Variants in KMT2C observed in about 807,000 individuals in gnomAD.
The protein encoded by KMT2C is lysine methyltransferase 2C.
Under a neutral mutation model 507.9 loss-of-function variants are expected in KMT2C, and 88 were observed. The observed-to-expected ratio is 0.17, with a 90% CI of 0.15 to 0.21. The LOEUF is 0.21. Ranked by LOEUF, KMT2C falls within the 10% of genes least tolerant of loss-of-function variation. The pLI, the probability that KMT2C is intolerant of heterozygous loss-of-function variation, is 1.00. For missense variants in KMT2C, 4,954 were observed against 5,957.8 expected (o/e 0.83, Z 5.55); for synonymous variants, 2,049 against 2,080.8 (o/e 0.98, Z 0.42).
chr7:152,201,617 G>GAAAAAAAACAAAAAAAAAAA (rs2094144876), intron 26 of KMT2C, among the ~76,000 whole-genome samples: 1 of 22,874 alleles, frequency 4.4e-5, no homozygotes, highest in African/African-American at 8.2e-5. Flanking sequence ...CAACAAAGAT[G>GAAAAAAAACAAAAAAAAAAA]AAAAAAAAAA....
chr7:152,166,418 G>A (rs1462263128), intron 42 of KMT2C, among the ~76,000 whole-genome samples: 1 of 152,194 alleles, frequency 6.6e-6, no homozygotes, highest in East Asian at 1.9e-4. Flanking sequence ...CACCACGCCT[G>A]GCCTGAACCT....
At chr7:152,308,262 T>C (rs2096638342) in intron 6 of KMT2C, among the ~76,000 whole-genome samples, 3 of 152,222 alleles carry the variant, frequency 2.0e-5, no homozygotes, top group South Asian at 4.1e-4. Flanking sequence ...GTCTCAACTA[T>C]ACTTTTGAAA....
intron 26 of KMT2C, among the ~76,000 whole-genome samples, chr7:152,199,797 C>CT (rs2094077136): frequency 6.6e-6 from 1 of 152,060 alleles, no homozygotes; most frequent in African/African-American, 2.4e-5. Context: ...CAGCATAAGA[C>CT]TTTGATCTAC....
At chr7:152,140,790 T>C (rs141637531) in intron 55 of KMT2C, among the ~76,000 whole-genome samples, 3 of 152,312 alleles carry the variant, frequency 2.0e-5, no homozygotes, top group African/African-American at 4.8e-5. Flanking sequence ...TGAGAGACTT[T>C]AGTATGTGAA....
chr7:152,366,020 T>C (rs1228817697), intron 1 of KMT2C, among the ~76,000 whole-genome samples: 3 of 151,826 alleles, frequency 2.0e-5, no homozygotes, highest in South Asian at 2.1e-4. Context: ...ATTAGAAAAA[T>C]GAAAAATCAA....
intron 9 of KMT2C, among the ~76,000 whole-genome samples, chr7:152,261,148 G>GA (rs2095765266): frequency 6.6e-6 from 1 of 152,258 alleles, no homozygotes; most frequent in Non-Finnish European, 1.5e-5. Flanking sequence ...AAAAAGATGT[G>GA]AAAAGATAAC....
chr7:152,297,092 A>G (rs1324123419), intron 6 of KMT2C, among the ~76,000 whole-genome samples: 2 of 150,846 alleles, frequency 1.3e-5, no homozygotes, highest in Non-Finnish European at 3.0e-5. Flanking sequence ...AGAGAGAGAG[A>G]GAAAGAAAGA....
Position 152,296,204 on chromosome 7 carries a change from G to A in KMT2C, c.849+13762C>T, listed in dbSNP as rs530991526. On this transcript the variant is annotated intron_variant, in intron 6 of 58. Coordinates refer to ENST00000262189, the MANE Select transcript of KMT2C (RefSeq NM_170606.3). ...AGCACTTTGGGAGGCTGAGGCGGGC[G>A]GGTCACCTGAGGTCAGGAGTTCAAG... 1.2e-4 allele frequency among the ~76,000 whole-genome samples: 18 copies of A among 151,990 alleles called. No individual in the cohort carries two copies. The East Asian group carries it at 2.1e-3, about 18-fold the overall frequency.
chr7:152,335,156 G>C (rs1054798800), intron 2 of KMT2C, among the ~76,000 whole-genome samples: 2 of 152,146 alleles, frequency 1.3e-5, no homozygotes, highest in East Asian at 1.9e-4. Flanking sequence ...ATGACCCAAA[G>C]GGTATTCTGT....
At chr7:152,234,333 G>C (rs1043323995) in intron 16 of KMT2C, among the ~76,000 whole-genome samples, 1 of 152,016 alleles carries the variant, frequency 6.6e-6, no homozygotes, top group Admixed American at 6.6e-5. Context: ...CATGAGCTGA[G>C]ATTGTGCCAT....
intron 1 of KMT2C, among the ~76,000 whole-genome samples, chr7:152,427,680 C>T (rs966417631): frequency 5.9e-5 from 9 of 152,160 alleles, no homozygotes; most frequent in African/African-American, 1.9e-4. Context: ...TATAACTGGT[C>T]CCCTATCTCC....
chr7:152,287,425 C>G (rs2096321250), intron 6 of KMT2C, among the ~76,000 whole-genome samples: 1 of 152,116 alleles, frequency 6.6e-6, no homozygotes, highest in African/African-American at 2.4e-5. Flanking sequence ...TCAACAAAGG[C>G]CTACTAAGGA....
rs1441072656 is a variant in KMT2C at position 152,145,198 on chromosome 7, CG to C, written c.14128del (p.Arg4710ValfsTer6). 6.2e-7 allele frequency: 1 copy of C among 1,614,124 alleles called. No individual in the cohort carries two copies. Among genetic ancestry groups the C allele is most frequent in the Non-Finnish European group, 8.5e-7 (1 of 1,180,020 alleles). On this transcript the variant is annotated frameshift_variant, in exon 54 of 59. Transcript: ENST00000262189. LOFTEE classifies it high-confidence loss of function. ...ATGGGCACTCATTTTAGGTTCAGAA[CG>C]GGCACAACCTGTGGGGTTAACGGCA... ...PLAVNPTGCA[R>X]SEPKMSAHVK... is the part of the protein sequence containing the mutation.
In KMT2C at chr7:152,187,422, T is replaced by G. The variant is rs375643789; in HGVS notation, c.4848A>C (p.Thr1616=). 1 of 1,614,174 alleles carries G rather than the reference T, an allele frequency of 6.2e-7. No individual in the cohort carries two copies. The highest frequency in any genetic ancestry group is 1.1e-5 in the South Asian group (1 of 91,084). ...PMASDPNNSW[T]SSAPTVEGEN... ...CTCCTTCCACAGTGGGAGCTGATGA[T>G]GTCCAAGAGTTGTTAGGATCACTTG... The change falls in exon 33 of 59, where the codon ACA becomes ACC. Residue 1616 remains threonine, a synonymous_variant. Transcript: ENST00000262189.
chr7:152,428,456 T>C lies in KMT2C; in HGVS notation c.161+7170A>G, dbSNP rs1051949024. ...GGTGAAACCCCGTCTCTACTAAAAA[T>C]ACAAAAAAAAAAAAAAAAAAAAAAA... On this transcript the variant is annotated intron_variant, in intron 1 of 58. Transcript: ENST00000262189. Among the ~76,000 whole-genome samples, 6 of 17,898 alleles carry C rather than the reference T, an allele frequency of 3.4e-4. No homozygotes were observed. In the East Asian group the frequency reaches 6.4e-3, roughly 19 times the overall value. 11.7% of individuals were successfully genotyped at this position (17,898 alleles called of 152,430 possible).
chr7:152,180,188 C>T (rs2129118548), intron 36 of KMT2C, 62 bp from the exon 37 acceptor site: 12 of 1,556,906 alleles, frequency 7.7e-6, no homozygotes, highest in Non-Finnish European at 9.7e-6. Flanking sequence ...TTAAAGGTTA[C>T]TGGCTTTTTA....
intron 6 of KMT2C, among the ~76,000 whole-genome samples, chr7:152,276,080 C>T (rs935940906): frequency 6.6e-6 from 1 of 152,040 alleles, no homozygotes; most frequent in Non-Finnish European, 1.5e-5. Context: ...TGGAATATAT[C>T]TAACATACTA....
In KMT2C at chr7:152,330,608, T is replaced by TGGCTTCTAC; in HGVS notation, c.373_381dup (p.Val125_Ala127dup). 1 of 1,614,110 alleles carries TGGCTTCTAC rather than the reference T, an allele frequency of 6.2e-7. No individual in the cohort carries two copies. The highest frequency in any genetic ancestry group is 8.5e-7 in the Non-Finnish European group (1 of 1,179,950). ...CTGCATTCATTCTCTAACCTGATTTTGGCTTCTACACCAACAGAGACCAGG... is the reference window on the plus strand; with the variant it reads ...CTGCATTCATTCTCTAACCTGATTTTGGCTTCTACGGCTTCTACACCAACAGAGACCAGG... On this transcript the variant is annotated inframe_insertion, in exon 3 of 59. Coordinates refer to ENST00000262189, the MANE Select transcript of KMT2C (RefSeq NM_170606.3).
At chr7:152,139,847 T>C (rs549489527) in intron 55 of KMT2C, 56 bp from the exon 56 acceptor site, 227 of 1,269,730 alleles carry the variant, frequency 1.8e-4, no homozygotes, top group Non-Finnish European at 2.5e-4. Context: ...CTTTTTTCTG[T>C]TTTTCATACA....
Sources: gnomAD v4.1 joint callset for allele counts (sites outside exome capture counted in the v4.1 genomes callset) on GRCh38, gnomAD v4.1.1 for gene constraint, MANE v1.5 for transcripts, NCBI Gene and HGNC (gene_info 2026-07-23, HGNC 2026-07-21) for gene names.